Variants in FARS2 observed in about 807,000 individuals in gnomAD.
FARS2 encodes phenylalanyl-tRNA synthetase 2, mitochondrial, also known as phenylalanine--tRNA ligase, mitochondrial.
In FARS2, 40 loss-of-function variants were observed where a neutral mutation model predicts 46.4. That is an observed-to-expected ratio of 0.86 (90% confidence interval 0.67 to 1.12). FARS2 has a LOEUF of 1.12. FARS2 is among the 50% of genes most tolerant of loss of function. The pLI is 0.00. For synonymous variants in FARS2, 234 were observed against 214.9 expected (o/e 1.09, Z -0.78); for missense variants, 513 against 567.9 (o/e 0.90, Z 0.98).
chr6:5,366,288 A>G (rs1304953713), intron 1 of FARS2, among the ~76,000 whole-genome samples: 3 of 152,362 alleles, frequency 2.0e-5, no homozygotes, highest in East Asian at 1.9e-4. Flanking sequence ...TGGAAGAACA[A>G]TGTATTAATA....
At chr6:5,430,872 A>G (rs915922859) in intron 3 of FARS2, among the ~76,000 whole-genome samples, 169 bp from the exon 4 acceptor site, 4 of 152,170 alleles carry the variant, frequency 2.6e-5, no homozygotes, top group Non-Finnish European at 4.4e-5. Flanking sequence ...GTTTTTCACA[A>G]GTTTTAAGAT....
intron 6 of FARS2, among the ~76,000 whole-genome samples, chr6:5,724,387 C>T (rs1232331432): frequency 2.6e-5 from 4 of 152,188 alleles, no homozygotes. Context: ...CCTTTGTGGT[C>T]ATCACGAAAT....
chr6:5,299,780 C>T (rs538820626), intron 1 of FARS2, among the ~76,000 whole-genome samples: 65 of 147,604 alleles, frequency 4.4e-4, no homozygotes, highest in African/African-American at 6.3e-4. Flanking sequence ...TGAGAACATG[C>T]GGTGTTTGGT....
rs984068309 is a variant in FARS2, at chr6:5,311,408, G to A, written c.-22+49748G>A. Reference sequence around the variant, plus strand: ...CAGAAGGGGGTCCTATTTCAGTCACGTGTGTGTGTGTGTACATTTGGCATG... The same window carrying A: ...CAGAAGGGGGTCCTATTTCAGTCACATGTGTGTGTGTGTACATTTGGCATG... On this transcript the variant is annotated intron_variant, in intron 1 of 6. Coordinates refer to ENST00000274680, the MANE Select transcript of FARS2 (RefSeq NM_006567.5). The surrounding 1 kb of genome is among the most constrained non-coding windows in gnomAD (Gnocchi z 4.1). Among the ~76,000 whole-genome samples the A allele has an allele frequency of 4.6e-5, 7 of 151,466 alleles. No individual in the cohort carries two copies. The highest frequency in any genetic ancestry group is 1.9e-4 in the East Asian group (1 of 5,184).
At chr6:5,423,307 G>T (rs892801659) in intron 3 of FARS2, among the ~76,000 whole-genome samples, 26 of 151,904 alleles carry the variant, frequency 1.7e-4, no homozygotes, top group African/African-American at 6.3e-4. Context: ...TGGTGCCTCT[G>T]AACCCATACC....
chr6:5,661,441 G>C (rs879576197), intron 6 of FARS2, among the ~76,000 whole-genome samples: 1 of 152,202 alleles, frequency 6.6e-6, no homozygotes, highest in Non-Finnish European at 1.5e-5. Flanking sequence ...GGAGTGAGAA[G>C]AGCAAGGGGC....
At chr6:5,742,687 C>G (rs1161294390) in intron 6 of FARS2, among the ~76,000 whole-genome samples, 1 of 151,872 alleles carries the variant, frequency 6.6e-6, no homozygotes, top group Admixed American at 6.6e-5. Context: ...TTGCCTCTTG[C>G]TTTTTGAGTG....
At chr6:5,673,718 T>C (rs1247481710) in intron 6 of FARS2, among the ~76,000 whole-genome samples, 1 of 152,056 alleles carries the variant, frequency 6.6e-6, no homozygotes, top group Admixed American at 6.5e-5. Flanking sequence ...AAGTGTAGAG[T>C]AGAGCTTCCC....
intron 4 of FARS2, among the ~76,000 whole-genome samples, chr6:5,522,742 C>G (rs775801009): frequency 1.3e-5 from 2 of 152,132 alleles, no homozygotes; most frequent in African/African-American, 2.4e-5. Flanking sequence ...AATTTTCTGG[C>G]AAGATTTAAC....
intron 6 of FARS2, among the ~76,000 whole-genome samples, chr6:5,666,461 C>T (rs1339418118): frequency 6.6e-6 from 1 of 152,082 alleles, no homozygotes; most frequent in East Asian, 1.9e-4. Flanking sequence ...CTACACAGTG[C>T]CTAAAGTTCC....
At chr6:5,485,258 C>T (rs1299377259) in intron 4 of FARS2, among the ~76,000 whole-genome samples, 4 of 152,062 alleles carry the variant, frequency 2.6e-5, no homozygotes, top group African/African-American at 9.7e-5. Flanking sequence ...GCATACTTTG[C>T]TCATGAGATT....
At chr6:5,526,198 C>T (rs1391091444) in intron 4 of FARS2, among the ~76,000 whole-genome samples, 3 of 152,186 alleles carry the variant, frequency 2.0e-5, no homozygotes, top group African/African-American at 7.2e-5. Flanking sequence ...AGTTGTCTCT[C>T]AGTTGCTTTT....
chr6:5,629,377 G>A (rs547510472), intron 6 of FARS2, among the ~76,000 whole-genome samples: 211 of 152,300 alleles, frequency 1.4e-3, no homozygotes, highest in African/African-American at 5.0e-3. Context: ...TTGTGGTTCA[G>A]CTGAATCTTG....
chr6:5,651,626 C>T (rs1777368248), intron 6 of FARS2, among the ~76,000 whole-genome samples: 2 of 152,194 alleles, frequency 1.3e-5, no homozygotes, highest in African/African-American at 4.8e-5. Context: ...GCTTCAGGGA[C>T]ACTTCAAGAG....
intron 6 of FARS2, among the ~76,000 whole-genome samples, chr6:5,693,537 G>A (rs1757903862): frequency 6.6e-6 from 1 of 152,172 alleles, no homozygotes; most frequent in Admixed American, 6.5e-5. Flanking sequence ...TTGCAAGGTG[G>A]CCTGTTTTCA....
At chr6:5,427,937 A>G (rs1050039395) in intron 3 of FARS2, among the ~76,000 whole-genome samples, 10 of 152,192 alleles carry the variant, frequency 6.6e-5, no homozygotes, top group African/African-American at 2.4e-4. Flanking sequence ...GAAGTGGTAA[A>G]CCAAAAGCCC....
chr6:5,359,282 C>T (rs998112231), intron 1 of FARS2, among the ~76,000 whole-genome samples: 1 of 151,990 alleles, frequency 6.6e-6, no homozygotes, highest in African/African-American at 2.4e-5. Flanking sequence ...TCAGGGTGAT[C>T]CGCCCACCTC....
chr6:5,600,984 T>A (rs1774476786), intron 5 of FARS2, among the ~76,000 whole-genome samples: 1 of 148,356 alleles, frequency 6.7e-6, no homozygotes. Flanking sequence ...AGGAATGGGA[T>A]TAGTGCCATT....
intron 1 of FARS2, among the ~76,000 whole-genome samples, chr6:5,356,022 C>G (rs548693271): frequency 6.8e-4 from 104 of 152,282 alleles, no homozygotes; most frequent in Non-Finnish European, 1.3e-3. Flanking sequence ...GCGCATGTTC[C>G]CAGCTGAGGT....
Sources: allele counts gnomAD v4.1 joint callset (sites outside exome capture counted in the v4.1 genomes callset), GRCh38; gene constraint gnomAD v4.1.1; non-coding constraint Gnocchi (gnomAD v3.1); transcripts MANE v1.5; gene names NCBI Gene and HGNC (gene_info 2026-07-23, HGNC 2026-07-21).